Variants in PACRG observed in about 807,000 individuals in gnomAD.
The protein encoded by PACRG is parkin coregulated gene protein.
In PACRG, 29 loss-of-function variants were observed where a neutral mutation model predicts 29.7. The ratio of observed to expected loss-of-function variants is 0.98; its 90% CI spans 0.73 to 1.33. PACRG has a LOEUF of 1.33. Among genes scored for constraint, PACRG ranks in the 40% most tolerant of loss-of-function variants. PACRG has a pLI of 0.00. For missense variants in PACRG, 279 were observed against 316.2 expected, an observed-to-expected ratio of 0.88 and a Z score of 0.89; for synonymous variants, 116 against 118.7, an observed-to-expected ratio of 0.98 and a Z score of 0.15.
chr6:163,217,208 G>C lies in PACRG; in HGVS notation c.614-97619G>C, dbSNP rs1250677913. Reference sequence around the variant, plus strand: ...ACCGCTCCCTGCAGAAGCTAGGGGTGCAGCCCGATTGTTGTAGGTATGATG... The same window carrying C: ...ACCGCTCCCTGCAGAAGCTAGGGGTCCAGCCCGATTGTTGTAGGTATGATG... On this transcript the variant is annotated intron_variant, in intron 4 of 4. Coordinates refer to ENST00000366888, the MANE Select transcript of PACRG (RefSeq NM_001080379.2). 2.0e-5 allele frequency among the ~76,000 whole-genome samples: 3 copies of C among 152,190 alleles called. No homozygotes were observed. In the East Asian group the frequency reaches 5.8e-4, roughly 29 times the overall value.
In PACRG at chr6:163,057,237, TA is replaced by T. The variant is rs373208057; in HGVS notation, c.292-4908del. On this transcript the variant is annotated intron_variant, in intron 2 of 4. Transcript: ENST00000366888. ...TTTAGCCCAAATTGTAGGTAAATAA[TA>T]AAAACTCAAAAACAATGGTGAGGGC... 3.8e-3 allele frequency among the ~76,000 whole-genome samples: 586 copies of T among 152,266 alleles called. 6 individuals are homozygous for T. The highest frequency in any genetic ancestry group is 0.014 in the African/African-American group (570 of 41,546).
At chr6:162,949,723 A>C (rs1352297188) in intron 2 of PACRG, among the ~76,000 whole-genome samples, 1 of 152,208 alleles carries the variant, frequency 6.6e-6, no homozygotes, top group African/African-American at 2.4e-5. Flanking sequence ...GCAGAAACTA[A>C]GTCAGATTCT....
intron 4 of PACRG, among the ~76,000 whole-genome samples, chr6:163,263,164 A>ACCCAGG (rs1554236773): frequency 3.4e-5 from 5 of 148,738 alleles, no homozygotes; most frequent in African/African-American, 1.2e-4. Flanking sequence ...TATCTTACAG[A>ACCCAGG]CCCCAGGAGG....
Position 163,279,253 on chromosome 6 carries a change from C to T in PACRG, c.614-35574C>T, listed in dbSNP as rs117467484. Reference sequence around the variant, plus strand: ...GCTTTTTGGATGAGTCTTGGGTTTTCGAGGTATACCATCATTATCAGCAGC... The same window carrying T: ...GCTTTTTGGATGAGTCTTGGGTTTTTGAGGTATACCATCATTATCAGCAGC... On this transcript the variant is annotated intron_variant, in intron 4 of 4. Transcript: ENST00000366888. Among the ~76,000 whole-genome samples, 16 of 152,178 alleles carry T rather than the reference C, an allele frequency of 1.1e-4. No individual in the cohort carries two copies. The East Asian group carries it at 2.5e-3, about 24-fold the overall frequency.
chr6:162,864,373 T>C (rs1792120224), intron 2 of PACRG, among the ~76,000 whole-genome samples: 1 of 152,180 alleles, frequency 6.6e-6, no homozygotes, highest in Non-Finnish European at 1.5e-5. Context: ...TACATACTTA[T>C]TCATTCCATA....
At chr6:162,778,293 G>T (rs1224170833) in intron 1 of PACRG, among the ~76,000 whole-genome samples, 1 of 152,100 alleles carries the variant, frequency 6.6e-6, no homozygotes, top group Non-Finnish European at 1.5e-5. Flanking sequence ...GGGGCTTTGT[G>T]CTTTTTCCTG....
chr6:163,150,966 CT>C (rs1296679529), intron 4 of PACRG, among the ~76,000 whole-genome samples: 1 of 152,180 alleles, frequency 6.6e-6, no homozygotes, highest in Non-Finnish European at 1.5e-5. Context: ...TTCTGACCTT[CT>C]TTTAAAAGTA....
At chr6:162,886,909 T>G (rs947731356) in intron 2 of PACRG, among the ~76,000 whole-genome samples, 17 of 152,270 alleles carry the variant, frequency 1.1e-4, no homozygotes, top group East Asian at 3.9e-4. Flanking sequence ...GTTATTATTA[T>G]TATTAGTATT....
intron 4 of PACRG, among the ~76,000 whole-genome samples, chr6:163,308,239 A>C (rs1785264377): frequency 6.6e-6 from 1 of 152,204 alleles, no homozygotes; most frequent in South Asian, 2.1e-4. Flanking sequence ...CTGTTGAATA[A>C]ATTTCTTTTG....
intron 4 of PACRG, among the ~76,000 whole-genome samples, chr6:163,183,961 G>A (rs1011604122): frequency 6.6e-6 from 1 of 152,122 alleles, no homozygotes; most frequent in Non-Finnish European, 1.5e-5. Flanking sequence ...CACTCTAATG[G>A]GTGTCTTACT....
intron 4 of PACRG, among the ~76,000 whole-genome samples, chr6:163,273,685 T>C (rs765870824): frequency 2.3e-4 from 35 of 152,154 alleles, no homozygotes; most frequent in Non-Finnish European, 1.3e-4. Context: ...CCCTTGATAT[T>C]TCCTGTTTGC....
At chr6:163,134,314 C>T (rs1488868300) in intron 4 of PACRG, among the ~76,000 whole-genome samples, 1 of 152,090 alleles carries the variant, frequency 6.6e-6, no homozygotes, top group African/African-American at 2.4e-5. Context: ...TTTGGCGTCT[C>T]GGGGCTGTAA....
chr6:162,841,460 A>T (rs916576036), intron 2 of PACRG, among the ~76,000 whole-genome samples: 9 of 151,956 alleles, frequency 5.9e-5, no homozygotes, highest in Non-Finnish European at 8.8e-5. Flanking sequence ...ATCATATTTT[A>T]TTGCATCTAT....
At chr6:162,912,447 C>T (rs1218518660) in intron 2 of PACRG, among the ~76,000 whole-genome samples, 2 of 152,228 alleles carry the variant, frequency 1.3e-5, no homozygotes, top group Non-Finnish European at 2.9e-5. Flanking sequence ...TGCGGTATCA[C>T]CACATCCTTG....
At chr6:163,287,422 C>T (rs1384222783) in intron 4 of PACRG, among the ~76,000 whole-genome samples, 1 of 152,178 alleles carries the variant, frequency 6.6e-6, no homozygotes, top group Non-Finnish European at 1.5e-5. Flanking sequence ...CAGCCTTCGC[C>T]GCCACGTTTG....
intron 3 of PACRG, among the ~76,000 whole-genome samples, chr6:163,076,708 C>T (rs192753718): frequency 7.9e-5 from 12 of 152,240 alleles, no homozygotes; most frequent in Admixed American, 2.0e-4. Context: ...TCTTTGTCTT[C>T]GCTCATTTTT....
intron 2 of PACRG, among the ~76,000 whole-genome samples, chr6:163,041,001 G>T (rs1808640562): frequency 6.6e-6 from 1 of 152,100 alleles, no homozygotes; most frequent in African/African-American, 2.4e-5. Flanking sequence ...GAATAATATG[G>T]TTCGGCTCTG....
At chr6:163,205,965 C>A (rs543607198) in intron 4 of PACRG, among the ~76,000 whole-genome samples, 6 of 152,116 alleles carry the variant, frequency 3.9e-5, no homozygotes, top group Non-Finnish European at 7.4e-5. Context: ...AAAAATGCTT[C>A]ACATCACTGA....
chr6:162,754,047 T>C (rs1186694578), intron 1 of PACRG, among the ~76,000 whole-genome samples: 2 of 152,220 alleles, frequency 1.3e-5, no homozygotes, highest in Non-Finnish European at 2.9e-5. Context: ...TTTTAGTTTA[T>C]GGCAGAATCT....
Sources: gnomAD v4.1 joint callset for allele counts (sites outside exome capture counted in the v4.1 genomes callset) on GRCh38, gnomAD v4.1.1 for gene constraint, MANE v1.5 for transcripts, NCBI Gene and HGNC (gene_info 2026-07-23, HGNC 2026-07-21) for gene names.